N4BP2: variants seen among roughly 807,000 people sequenced by gnomAD.
N4BP2 encodes NEDD4-binding protein 2.
N4BP2 carries 91 observed loss-of-function variants against 152.8 expected under a neutral mutation model. That is an observed-to-expected ratio of 0.60 (90% CI 0.50 to 0.71). The LOEUF (loss-of-function observed/expected upper bound fraction) is 0.71. Among genes scored for constraint, N4BP2 ranks in the 30% least tolerant of loss-of-function variants. The probability of loss-of-function intolerance (pLI) is 0.00; values close to 1 mark genes in which losing one functional copy is unlikely to be tolerated. For synonymous variants in N4BP2, 646 were observed against 705.3 expected, an observed-to-expected ratio of 0.92 and a Z score of 1.33; for missense variants, 1,923 against 2,059.1, an observed-to-expected ratio of 0.93 and a Z score of 1.28.
chr4:40,185,988 T>G, the N4BP2 span, among the ~76,000 whole-genome samples: 23,443 of 152,114 alleles, frequency 0.15, 2,180 homozygotes, highest in South Asian at 0.32. Flanking sequence ...AAACCTCACT[T>G]TTTTATTTTT....
At chr4:40,101,980 A>T (rs1715697323) in intron 3 of N4BP2, 95 bp from the exon 4 acceptor site, 1 of 759,330 alleles carries the variant, frequency 1.3e-6, no homozygotes, top group Non-Finnish European at 2.0e-6. Flanking sequence ...TCAATGCAAA[A>T]TCCAATATAA....
chr4:40,145,817 A>G (rs1720460469), intron 16 of N4BP2, among the ~76,000 whole-genome samples: 1 of 152,184 alleles, frequency 6.6e-6, no homozygotes, highest in Non-Finnish European at 1.5e-5. Context: ...ATCTAGTAGG[A>G]TAGATAACAG....
intron 7 of N4BP2, among the ~76,000 whole-genome samples, chr4:40,117,166 C>T (rs1334989807): frequency 6.6e-6 from 1 of 152,072 alleles, no homozygotes; most frequent in Non-Finnish European, 1.5e-5. Context: ...ACATTGCTTC[C>T]GTCCCATGCA....
chr4:40,170,271 A>G, the N4BP2 span, among the ~76,000 whole-genome samples: 3 of 152,166 alleles, frequency 2.0e-5, no homozygotes, highest in African/African-American at 7.2e-5. Context: ...GTGGTAATAT[A>G]TTTAAAGATT....
intron 4 of N4BP2, among the ~76,000 whole-genome samples, chr4:40,104,911 TCTC>T (rs1716103032): frequency 6.6e-6 from 1 of 151,726 alleles, no homozygotes; most frequent in Non-Finnish European, 1.5e-5. Flanking sequence ...TTCACGCCAT[TCTC>T]CTGCCTCGGC....
chr4:40,108,857 G>A (rs1347643253), intron 5 of N4BP2, among the ~76,000 whole-genome samples: 1 of 145,114 alleles, frequency 6.9e-6, no homozygotes, highest in African/African-American at 2.6e-5. Flanking sequence ...CTGCTCTGTT[G>A]CCAGGCTGGA....
intron 1 of N4BP2, among the ~76,000 whole-genome samples, chr4:40,070,080 A>G (rs1449467285): frequency 2.0e-5 from 3 of 152,190 alleles, no homozygotes; most frequent in Non-Finnish European, 4.4e-5. Flanking sequence ...GAAAATAGAG[A>G]TATAGAAAAG....
chr4:40,118,800 C>A (rs17619330), intron 8 of N4BP2, among the ~76,000 whole-genome samples: 1 of 152,058 alleles, frequency 6.6e-6, no homozygotes, highest in Non-Finnish European at 1.5e-5. Context: ...GGCCTTCTGA[C>A]AATTTGCAAT....
Position 40,120,425 on chromosome 4 carries a change from A to G in N4BP2, c.2314A>G (p.Ser772Gly), listed in dbSNP as rs768242793. Reference sequence around the variant, plus strand: ...GAAAAAAGCCTTTGGGAAACAAAAAAGCAAATCGACTTTGGAAAAGTTCCC... The same window carrying G: ...GAAAAAAGCCTTTGGGAAACAAAAAGGCAAATCGACTTTGGAAAAGTTCCC... ...VTKKAFGKQK[S>G]KSTLEKFPRH... is the part of the protein sequence containing the mutation. Residue 772 changes from serine to glycine, a missense_variant, in exon 9 of 18, where the codon AGC becomes GGC. Transcript: ENST00000261435. The G allele has an allele frequency of 6.8e-6, 11 of 1,613,814 alleles. No homozygotes were observed. In the East Asian group the frequency reaches 2.0e-4, roughly 29 times the overall value.
At chr4:40,151,054 A>G (rs1309501575) in intron 16 of N4BP2, among the ~76,000 whole-genome samples, 2 of 152,214 alleles carry the variant, frequency 1.3e-5, no homozygotes, top group African/African-American at 4.8e-5. Flanking sequence ...AACAGCAAGA[A>G]CAGCCTGTAT....
chr4:40,108,728 A>G (rs540881717), intron 5 of N4BP2, among the ~76,000 whole-genome samples: 2 of 152,250 alleles, frequency 1.3e-5, no homozygotes, highest in East Asian at 1.9e-4. Flanking sequence ...CTGTCTATTC[A>G]GTGAAGATAG....
downstream of N4BP2, among the ~76,000 whole-genome samples, chr4:40,162,256 C>T (rs1008380152): frequency 2.0e-5 from 3 of 152,160 alleles, no homozygotes; most frequent in Non-Finnish European, 2.9e-5. Context: ...AATCCCAACA[C>T]TTCTGGGGGC....
chr4:40,093,944 A>G (rs1032935613), intron 2 of N4BP2, among the ~76,000 whole-genome samples: 2 of 152,144 alleles, frequency 1.3e-5, no homozygotes, highest in African/African-American at 2.4e-5. Context: ...CATATTGCCC[A>G]GGATGGTCTT....
chr4:40,121,282 C>T lies in N4BP2; in HGVS notation c.3171C>T (p.Asn1057=). Residue 1057 remains asparagine (N), a synonymous_variant, in exon 9 of 18, where the codon AAC becomes AAT. Coordinates refer to ENST00000261435, the MANE Select transcript of N4BP2 (RefSeq NM_018177.6). The part of the protein sequence containing the change: ...DGFKPKVFNI[N]TKSDVQEAIP... ...TTAAGCCGAAAGTTTTCAATATTAA[C>T]ACAAAATCAGACGTTCAAGAAGCAA... The T allele has an allele frequency of 6.2e-7, 1 of 1,613,244 alleles. No homozygotes were observed. Among genetic ancestry groups the T allele is most frequent in the Non-Finnish European group, 8.5e-7 (1 of 1,179,832 alleles).
At chr4:40,146,409 G>A (rs1042121122) in intron 16 of N4BP2, among the ~76,000 whole-genome samples, 3 of 151,962 alleles carry the variant, frequency 2.0e-5, no homozygotes, top group Non-Finnish European at 2.9e-5. Flanking sequence ...AAAGCTTATT[G>A]TATAATTGGT....
the N4BP2 span, among the ~76,000 whole-genome samples, chr4:40,184,553 G>A: frequency 6.6e-6 from 1 of 151,864 alleles, no homozygotes; most frequent in Non-Finnish European, 1.5e-5. Context: ...AAAAATTAAA[G>A]AAAAAAGTGA....
At position 40,080,557 on chromosome 4, in the gene N4BP2, G is replaced by A. The variant is rs182155037; in HGVS notation, c.-115+7006G>A. ...TCACCATGTTGGCCAGGCTGGTCTC[G>A]ATCTCCTGATCTAGTGACCTGCCCG... On this transcript the variant is annotated intron_variant, in intron 2 of 17. Transcript: ENST00000261435. Among the ~76,000 whole-genome samples, 441 of 151,850 alleles carry A rather than the reference G, an allele frequency of 2.9e-3. 5 individuals carry two copies. Among genetic ancestry groups the A allele is most frequent in the African/African-American group, 0.01 (416 of 41,410 alleles).
At chr4:40,125,168 A>G (rs2110004159) in intron 11 of N4BP2, among the ~76,000 whole-genome samples, 1 of 152,310 alleles carries the variant, frequency 6.6e-6, no homozygotes, top group South Asian at 2.1e-4. Flanking sequence ...TCATAGCCTC[A>G]AGAGCTACAG....
chr4:40,083,038 T>G (rs750957566), intron 2 of N4BP2: 2 of 275,860 alleles, frequency 7.3e-6, no homozygotes, highest in Admixed American at 3.5e-5. Context: ...AAAGAGGAGA[T>G]AGAGTAAACC....
Sources: allele counts gnomAD v4.1 joint callset (sites outside exome capture counted in the v4.1 genomes callset), GRCh38; gene constraint gnomAD v4.1.1; transcripts MANE v1.5; gene names NCBI Gene and HGNC (gene_info 2026-07-23, HGNC 2026-07-21).